Variants in OPCML observed in about 807,000 individuals in gnomAD.
OPCML encodes the protein opioid-binding protein/cell adhesion molecule.
A neutral mutation model predicts 37.8 loss-of-function variants in OPCML; 13 were observed. That is an observed-to-expected ratio of 0.34 (90% CI 0.22 to 0.55). The LOEUF (loss-of-function observed/expected upper bound fraction) is 0.55. OPCML is among the 20% of genes least tolerant of loss of function. The pLI, the probability that OPCML is intolerant of heterozygous loss-of-function variation, is 0.91. For synonymous variants in OPCML, 176 were observed against 168.8 expected (o/e 1.04, Z -0.33); for missense variants, 341 against 435.6 (o/e 0.78, Z 1.93).
At chr11:133,140,572 A>AGAAGAAGAAGAAGAAGAAG (rs1565467437) in intron 1 of OPCML, among the ~76,000 whole-genome samples, 8 of 147,892 alleles carry the variant, frequency 5.4e-5, no homozygotes, top group African/African-American at 2.0e-4. Context: ...AAGAAGAAGA[A>AGAAGAAGAAGAAGAAGAAG]GAAGAAAGAA....
intron 3 of OPCML, among the ~76,000 whole-genome samples, chr11:132,650,324 AAGT>A: frequency 6.6e-6 from 1 of 152,290 alleles, no homozygotes; most frequent in East Asian, 1.9e-4. Context: ...CGGCGGGTGA[AAGT>A]AGGAGAGACA....
rs145463796 is a variant in OPCML, at chr11:132,921,117, G to A, written c.146+21809C>T. Among the ~76,000 whole-genome samples, 452 of 152,202 alleles carry A rather than the reference G, an allele frequency of 3.0e-3. 2 individuals are homozygous for A. The highest frequency in any genetic ancestry group is 0.025 in the South Asian group (122 of 4,814). On this transcript the variant is annotated intron_variant, in intron 2 of 7. Transcript: ENST00000524381. The stretch of plus-strand genomic sequence containing the variant: ...GGCTGTTTTCTTTCCTGATAGTACT[G>A]TGTGAGGTTGTTTAAAACTTCCTTT...
At chr11:132,581,860 G>A (rs949006755) in intron 3 of OPCML, among the ~76,000 whole-genome samples, 2 of 151,952 alleles carry the variant, frequency 1.3e-5, no homozygotes, top group Non-Finnish European at 2.9e-5. Context: ...CTCAAGGGGA[G>A]GGAATTCCAA....
chr11:132,807,733 T>C (rs1338160955), intron 2 of OPCML, among the ~76,000 whole-genome samples: 5 of 152,212 alleles, frequency 3.3e-5, no homozygotes, highest in East Asian at 3.9e-4. Flanking sequence ...CATTCTTCTC[T>C]GGGACTCTTT....
chr11:132,553,583 G>A (rs995947010), intron 3 of OPCML, among the ~76,000 whole-genome samples: 2 of 152,172 alleles, frequency 1.3e-5, no homozygotes, highest in Admixed American at 6.5e-5. Flanking sequence ...AATAGGATAA[G>A]TAGGCAAGAT....
intron 4 of OPCML, among the ~76,000 whole-genome samples, chr11:132,496,007 C>CATAAAAATCAGAAGA (rs1218783959): frequency 6.6e-6 from 1 of 152,038 alleles, no homozygotes; most frequent in Non-Finnish European, 1.5e-5. Flanking sequence ...GAAGTAGCAT[C>CATAAAAATCAGAAGA]ATAAAAATCA....
At chr11:133,433,418 A>C (rs1252545178) in intron 1 of OPCML, among the ~76,000 whole-genome samples, 2 of 152,114 alleles carry the variant, frequency 1.3e-5, no homozygotes, top group Non-Finnish European at 2.9e-5. Flanking sequence ...CCTTTTCTAC[A>C]CTATACTATG....
At chr11:132,807,936 G>A (rs1251993862) in intron 2 of OPCML, among the ~76,000 whole-genome samples, 1 of 152,016 alleles carries the variant, frequency 6.6e-6, no homozygotes, top group Non-Finnish European at 1.5e-5. Context: ...TTGTAATCTG[G>A]GCAAAGATAT....
intron 1 of OPCML, among the ~76,000 whole-genome samples, chr11:133,292,182 C>T (rs1025486134): frequency 4.6e-5 from 7 of 152,104 alleles, no homozygotes; most frequent in African/African-American, 1.7e-4. Flanking sequence ...ATTAAAACAC[C>T]AGAACACTTT....
intron 1 of OPCML, among the ~76,000 whole-genome samples, chr11:133,042,138 C>T (rs1947913467): frequency 6.6e-6 from 1 of 152,170 alleles, no homozygotes; most frequent in Admixed American, 6.5e-5. Flanking sequence ...CAATGAGGCC[C>T]CGGCTCCTAT....
At chr11:132,869,857 G>A (rs1184942074) in intron 2 of OPCML, among the ~76,000 whole-genome samples, 1 of 152,122 alleles carries the variant, frequency 6.6e-6, no homozygotes, top group Admixed American at 6.5e-5. Context: ...GAGCACAGAT[G>A]CACCTCTCCT....
At chr11:133,133,700 C>A (rs1949638693) in intron 1 of OPCML, among the ~76,000 whole-genome samples, 1 of 152,138 alleles carries the variant, frequency 6.6e-6, no homozygotes. Flanking sequence ...CTTTAAAAAC[C>A]AACCATCCCT....
intron 1 of OPCML, among the ~76,000 whole-genome samples, chr11:133,108,837 A>T (rs1949204359): frequency 6.6e-6 from 1 of 152,184 alleles, no homozygotes. Context: ...ATAATGAAAC[A>T]TATTTTACTA....
At chr11:132,590,457 G>C (rs1426649653) in intron 3 of OPCML, among the ~76,000 whole-genome samples, 1 of 152,090 alleles carries the variant, frequency 6.6e-6, no homozygotes, top group African/African-American at 2.4e-5. Context: ...TTTCATGTTG[G>C]TAATATCAAT....
At chr11:132,525,402 C>G (rs948263941) in intron 4 of OPCML, among the ~76,000 whole-genome samples, 12 of 152,166 alleles carry the variant, frequency 7.9e-5, no homozygotes, top group African/African-American at 2.9e-4. Context: ...TATAGATCCC[C>G]AAATTTAAAT....
At chr11:133,274,766 C>T (rs191996504) in intron 1 of OPCML, among the ~76,000 whole-genome samples, 19 of 152,298 alleles carry the variant, frequency 1.2e-4, no homozygotes, top group Admixed American at 5.9e-4. Context: ...TCTTCAGTCA[C>T]GAGCTTTTAC....
intron 1 of OPCML, among the ~76,000 whole-genome samples, chr11:133,042,674 G>C (rs1038722731): frequency 3.3e-5 from 5 of 152,142 alleles, no homozygotes; most frequent in Non-Finnish European, 7.3e-5. Flanking sequence ...CCCAAGGCTA[G>C]CTCTGCAGTT....
At chr11:132,800,800 C>T (rs949436317) in intron 2 of OPCML, among the ~76,000 whole-genome samples, 4 of 152,008 alleles carry the variant, frequency 2.6e-5, no homozygotes, top group African/African-American at 9.7e-5. Context: ...CTGTATTTCA[C>T]TTGGTTGCAT....
chr11:133,027,852 G>A (rs1405344894), intron 1 of OPCML, among the ~76,000 whole-genome samples: 1 of 146,736 alleles, frequency 6.8e-6, no homozygotes, highest in Non-Finnish European at 1.5e-5. Context: ...GTGTAGTAGT[G>A]TGTGTGGGTT....
Sources: gnomAD v4.1 joint callset for allele counts (sites outside exome capture counted in the v4.1 genomes callset) on GRCh38, gnomAD v4.1.1 for gene constraint, MANE v1.5 for transcripts, NCBI Gene and HGNC (gene_info 2026-07-23, HGNC 2026-07-21) for gene names.